Variants in LMTK3 observed in about 807,000 individuals in gnomAD.
LMTK3 encodes serine/threonine-protein kinase LMTK3.
LMTK3 carries 27 observed loss-of-function variants against 116.7 expected under a neutral mutation model. That is an observed-to-expected ratio of 0.23 (90% confidence interval 0.17 to 0.32). LMTK3 has a LOEUF of 0.32. Among genes scored for constraint, LMTK3 ranks in the 10% least tolerant of loss-of-function variants. LMTK3 has a pLI of 1.00. For missense variants in LMTK3, 1,764 were observed against 2,068.5 expected (o/e 0.85, Z 2.86); for synonymous variants, 965 against 971.0 (o/e 0.99, Z 0.11).
At chr19:48,489,932 CGGCAGCAGAG>C (rs1172885051) in intron 14 of LMTK3, among the ~76,000 whole-genome samples, 1 of 152,306 alleles carries the variant, frequency 6.6e-6, no homozygotes, top group African/African-American at 2.4e-5. Context: ...TTCCCTGGCT[CGGCAGCAGAG>C]GGCAGCAGAG....
chr19:48,509,346 ATGAGAAGTGG>A, intron 4 of LMTK3, 81 bp downstream of exon 4: 2 of 1,214,702 alleles, frequency 1.6e-6, no homozygotes, highest in Non-Finnish European at 2.4e-6. Flanking sequence ...CGAGGGACAG[ATGAGAAGTGG>A]TGAGAGCAGG....
intron 5 of LMTK3, among the ~76,000 whole-genome samples, chr19:48,507,279 G>A (rs1044591859): frequency 1.6e-4 from 25 of 152,238 alleles, no homozygotes; most frequent in African/African-American, 6.0e-4. Flanking sequence ...ATTTGATCCA[G>A]ATGGAACAGA....
Position 48,499,017 on chromosome 19 carries a change from C to T in LMTK3, c.2052G>A (p.Glu684=). 2.1e-6 allele frequency: 3 copies of T among 1,450,102 alleles called. No homozygotes were observed. The highest frequency in any genetic ancestry group is 2.7e-6 in the Non-Finnish European group (3 of 1,100,294). 89.8% of individuals were successfully genotyped at this position (1,450,102 alleles called of 1,614,324 possible). ...REGACSCLPL[E]RGDAVAGWGG... is the part of the protein sequence containing the mutation. ...CCCAGCCTGCTACGGCGTCCCCCCG[C>T]TCCAGTGGCAGGCAGGAGCAGGCCC... The change falls in exon 11 of 15, where the codon GAG becomes GAA. Residue 684 remains glutamate, a synonymous_variant. Coordinates refer to ENST00000600059, the MANE Select transcript of LMTK3 (RefSeq NM_001388485.1).
chr19:48,497,296 C>T lies in LMTK3; in HGVS notation c.3676+97G>A. 2 of 1,314,372 alleles carry T rather than the reference C, an allele frequency of 1.5e-6. No individual in the cohort carries two copies. Among genetic ancestry groups the T allele is most frequent in the Non-Finnish European group, 2.0e-6 (2 of 1,014,146 alleles). 81.4% of individuals were successfully genotyped at this position (1,314,372 alleles called of 1,614,324 possible). A position where few individuals can be genotyped will look rare whatever the true frequency, so the allele number is the denominator to read the frequency against. ...CAGGCTTCAGGACCTGCATTCATCA[C>T]TGCCAGCCCGACCCGACATGTTTAC... On this transcript the variant is annotated intron_variant, in intron 11 of 14. Transcript: ENST00000600059. This position sits in a 1 kb window ranked among gnomAD's most constrained non-coding sequence, Gnocchi z 5.7.
chr19:48,493,664 C>T, intron 12 of LMTK3, 30 bp downstream of exon 12: 5 of 1,545,710 alleles, frequency 3.2e-6, no homozygotes, highest in Non-Finnish European at 4.4e-6. Flanking sequence ...AGGCCGCGAC[C>T]CCGAAACCGC....
Position 48,510,090 on chromosome 19 carries a change from A to G in LMTK3, c.294T>C (p.Pro98=), listed in dbSNP as rs761524880. 6.2e-7 allele frequency: 1 copy of G among 1,613,938 alleles called. No homozygotes were observed. Among genetic ancestry groups the G allele is most frequent in the South Asian group, 1.1e-5 (1 of 91,072 alleles). Residue 98 remains proline, a synonymous_variant, in exon 3 of 15, where the codon CCT becomes CCC. Coordinates refer to ENST00000600059, the MANE Select transcript of LMTK3 (RefSeq NM_001388485.1). ...AEETSSSQSL[P]DVYILPLAEV... ...CAGCCAGCGGGAGAATGTAGACATC[A>G]GGCAGCGACTGTGAGGAGGAGGTCT...
chr19:48,505,081 T>TTCTC (rs59270444), intron 5 of LMTK3, among the ~76,000 whole-genome samples: 263 of 135,680 alleles, frequency 1.9e-3, no homozygotes, highest in South Asian at 3.8e-3. Flanking sequence ...CTCTGACAGT[T>TTCTC]TCTCTCTCTC....
At chr19:48,493,650 C>T (rs1972268724) in intron 12 of LMTK3, 44 bp downstream of exon 12, 3 of 1,533,188 alleles carry the variant, frequency 2.0e-6, no homozygotes, top group Non-Finnish European at 2.6e-6. Context: ...CTCCTGCTCC[C>T]TCCAGGCCGC....
chr19:48,493,073 CGCCCCCATTCCA>C (rs1972253901), intron 12 of LMTK3, among the ~76,000 whole-genome samples: 1 of 151,976 alleles, frequency 6.6e-6, no homozygotes, highest in Non-Finnish European at 1.5e-5. Context: ...CCCTAGGCTC[CGCCCCCATTCCA>C]GCCTTGGATT....
intron 14 of LMTK3, 122 bp from the exon 15 acceptor site, chr19:48,485,911 C>A: frequency 1.0e-6 from 1 of 956,908 alleles, no homozygotes. Flanking sequence ...CTGCTCTGTT[C>A]CCTCTCTGTC....
chr19:48,486,047 C>CTTTTTTT (rs141193575), intron 14 of LMTK3, among the ~76,000 whole-genome samples: 2 of 59,714 alleles, frequency 3.3e-5, no homozygotes, highest in South Asian at 7.4e-4. Context: ...AACATTCTTC[C>CTTTTTTT]TTTTTTTTTT....
intron 7 of LMTK3, 27 bp downstream of exon 7, chr19:48,502,406 C>T (rs749743539): frequency 6.2e-7 from 1 of 1,604,214 alleles, no homozygotes. Flanking sequence ...CTTAGTAGCT[C>T]CTCCCGCGGC....
At chr19:48,490,642 G>C (rs1972205595) in intron 14 of LMTK3, among the ~76,000 whole-genome samples, 1 of 152,038 alleles carries the variant, frequency 6.6e-6, no homozygotes, top group African/African-American at 2.4e-5. Context: ...CGCGAGAGCA[G>C]CGGTGCCGCT....
intron 6 of LMTK3, 62 bp downstream of exon 6, chr19:48,502,847 G>T: frequency 1.6e-6 from 2 of 1,258,640 alleles, no homozygotes; most frequent in Non-Finnish European, 1.1e-6. Flanking sequence ...GGGGCACCAG[G>T]CTTGGCCCCG....
intron 14 of LMTK3, among the ~76,000 whole-genome samples, chr19:48,490,472 G>A (rs1284097491): frequency 6.8e-6 from 1 of 147,648 alleles, no homozygotes; most frequent in African/African-American, 2.6e-5. Flanking sequence ...GTTGCACTGA[G>A]CGTAGATTCC....
Position 48,485,674 on chromosome 19 carries a change from AGGCGGCGTCTGCGGTGGTGGCAGT to A in LMTK3, c.*75_*98del. 7.3e-7 allele frequency: 1 copy of A among 1,366,746 alleles called. No individual in the cohort carries two copies. Among genetic ancestry groups the A allele is most frequent in the Non-Finnish European group, 1.0e-6 (1 of 979,898 alleles). The allele number at this position is 1,366,746 out of a possible 1,614,324, so 84.7% of individuals were successfully genotyped here. A position where few individuals can be genotyped will look rare whatever the true frequency, so the allele number is the denominator to read the frequency against. On this transcript the variant is annotated 3_prime_UTR_variant, in exon 15 of 15. Transcript: ENST00000600059. ...GGCCCAGCCTCGGGGGCCTCCCCAGAGGCGGCGTCTGCGGTGGTGGCAGTGGCGCCGTCATCCACAGAGGATTCC... is the reference window on the plus strand; with the variant it reads ...GGCCCAGCCTCGGGGGCCTCCCCAGAGGCGCCGTCATCCACAGAGGATTCC...
intron 14 of LMTK3, among the ~76,000 whole-genome samples, chr19:48,486,759 A>G (rs971895403): frequency 4.7e-5 from 7 of 149,600 alleles, no homozygotes; most frequent in Admixed American, 4.0e-4. Context: ...GGATGGTCTC[A>G]ATCTCCCAAC....
Position 48,485,678 on chromosome 19 carries a change from G to C in LMTK3, c.*95C>G, listed in dbSNP as rs1457504331. On this transcript the variant is annotated 3_prime_UTR_variant, in exon 15 of 15. Coordinates refer to ENST00000600059, the MANE Select transcript of LMTK3 (RefSeq NM_001388485.1). ...CAGCCTCGGGGGCCTCCCCAGAGGCGGCGTCTGCGGTGGTGGCAGTGGCGC... is the reference window on the plus strand; with the variant it reads ...CAGCCTCGGGGGCCTCCCCAGAGGCCGCGTCTGCGGTGGTGGCAGTGGCGC... The C allele has an allele frequency of 7.2e-7, 1 of 1,387,410 alleles. No individual in the cohort carries two copies. The highest frequency in any genetic ancestry group is 1.0e-6 in the Non-Finnish European group (1 of 997,352). The allele number at this position is 1,387,410 out of a possible 1,614,324, so 85.9% of individuals were successfully genotyped here. A position where few individuals can be genotyped will look rare whatever the true frequency, so the allele number is the denominator to read the frequency against.
chr19:48,502,135 T>C (rs1471643464), intron 7 of LMTK3, among the ~76,000 whole-genome samples: 1 of 106,560 alleles, frequency 9.4e-6, no homozygotes, highest in African/African-American at 3.7e-5. Flanking sequence ...TGGTTCTTCC[T>C]CCTCCTCCCC....
Sources: allele counts gnomAD v4.1 joint callset (sites outside exome capture counted in the v4.1 genomes callset), GRCh38; gene constraint gnomAD v4.1.1; non-coding constraint Gnocchi (gnomAD v3.1); transcripts MANE v1.5; gene names NCBI Gene and HGNC (gene_info 2026-07-23, HGNC 2026-07-21).